Variants in KIAA0825 observed in about 807,000 individuals in gnomAD.
The protein encoded by KIAA0825 is uncharacterized protein KIAA0825.
In KIAA0825, 119 loss-of-function variants were observed where a neutral mutation model predicts 147.6. The ratio of observed to expected loss-of-function variants is 0.81; its 90% CI spans 0.69 to 0.94. The LOEUF is 0.94. Among genes scored for constraint, KIAA0825 ranks in the 40% least tolerant of loss-of-function variants. KIAA0825 has a pLI of 0.00. For missense variants in KIAA0825, 1,381 were observed against 1,472.7 expected (o/e 0.94, Z 1.02); for synonymous variants, 470 against 518.1 (o/e 0.91, Z 1.26).
intron 8 of KIAA0825, 139 bp downstream of exon 8, chr5:94,473,153 G>T: frequency 3.1e-6 from 2 of 649,938 alleles, no homozygotes; most frequent in Non-Finnish European, 2.6e-6. Flanking sequence ...TACCACTGAA[G>T]AAAACTGGTA....
At chr5:94,461,808 C>T (rs770248507) in intron 12 of KIAA0825, among the ~76,000 whole-genome samples, 29 of 151,746 alleles carry the variant, frequency 1.9e-4, no homozygotes, top group Non-Finnish European at 3.4e-4. Context: ...AGGATATAAA[C>T]AAAATGGTAT....
intron 20 of KIAA0825, among the ~76,000 whole-genome samples, chr5:94,194,703 C>CT (rs1770974482): frequency 6.6e-6 from 1 of 152,212 alleles, no homozygotes; most frequent in Non-Finnish European, 1.5e-5. Flanking sequence ...AAGATTACAT[C>CT]TTCTCATTCC....
chr5:94,446,571 A>G (rs1017998509), intron 13 of KIAA0825, among the ~76,000 whole-genome samples: 3 of 152,184 alleles, frequency 2.0e-5, no homozygotes, highest in Admixed American at 2.0e-4. Flanking sequence ...GCAGAAAGGA[A>G]CATGGCATAG....
intron 5 of KIAA0825, among the ~76,000 whole-genome samples, chr5:94,509,288 G>A (rs1490854445): frequency 6.6e-6 from 1 of 152,040 alleles, no homozygotes; most frequent in African/African-American, 2.4e-5. Context: ...CTAACAACCT[G>A]GCACATGAAT....
At chr5:94,546,129 T>C (rs1468231557) in intron 2 of KIAA0825, among the ~76,000 whole-genome samples, 1 of 152,174 alleles carries the variant, frequency 6.6e-6, no homozygotes, top group East Asian at 1.9e-4. Flanking sequence ...GAGGCTCCTC[T>C]GCCTGTGGAA....
intron 20 of KIAA0825, among the ~76,000 whole-genome samples, chr5:94,181,109 T>C (rs921873028): frequency 1.3e-5 from 2 of 152,220 alleles, no homozygotes; most frequent in Non-Finnish European, 2.9e-5. Context: ...TGAGCAGAAG[T>C]CATTTTAAAT....
chr5:94,470,946 C>G (rs904745192), intron 9 of KIAA0825, among the ~76,000 whole-genome samples: 2 of 152,136 alleles, frequency 1.3e-5, no homozygotes, highest in African/African-American at 4.8e-5. Context: ...AGAAAACATA[C>G]TGCAGTTTTA....
At chr5:94,196,488 C>T (rs1274743973) in intron 20 of KIAA0825, among the ~76,000 whole-genome samples, 1 of 150,514 alleles carries the variant, frequency 6.6e-6, no homozygotes, top group Non-Finnish European at 1.5e-5. Context: ...ATTTTAGGTC[C>T]AGAGGGTACA....
intron 9 of KIAA0825, among the ~76,000 whole-genome samples, chr5:94,471,185 A>C (rs1761168068): frequency 6.6e-6 from 1 of 152,212 alleles, no homozygotes; most frequent in African/African-American, 2.4e-5. Flanking sequence ...TGTAATAACA[A>C]CATGCGGAAA....
intron 20 of KIAA0825, among the ~76,000 whole-genome samples, chr5:94,365,313 G>T (rs1229218167): frequency 6.6e-6 from 1 of 152,126 alleles, no homozygotes; most frequent in Non-Finnish European, 1.5e-5. Context: ...GCGTGAGACG[G>T]CAAACCCCGA....
rs532914114 is a variant in KIAA0825 at position 94,184,360 on chromosome 5, A to G, written c.3711-30236T>C. 3.3e-5 allele frequency among the ~76,000 whole-genome samples: 5 copies of G among 152,312 alleles called. No homozygotes were observed. The South Asian group carries it at 1.0e-3, about 32-fold the overall frequency. On this transcript the variant is annotated intron_variant, in intron 20 of 20. Coordinates refer to ENST00000682413, the MANE Select transcript of KIAA0825 (RefSeq NM_001145678.3). ...CCCCATTTTTACATTTTACATTGGA[A>G]TGCAAGAACTCTTAAGACTCCAGCA... is the stretch of plus-strand genomic sequence containing the variant.
intron 20 of KIAA0825, among the ~76,000 whole-genome samples, chr5:94,358,044 C>G (rs975075497): frequency 8.5e-5 from 13 of 152,228 alleles, no homozygotes; most frequent in Admixed American, 2.6e-4. Flanking sequence ...CTATCTTCAT[C>G]AGAACTAGGA....
At chr5:94,596,056 T>C (rs1039293047) in intron 1 of KIAA0825, among the ~76,000 whole-genome samples, 1 of 152,222 alleles carries the variant, frequency 6.6e-6, no homozygotes, top group Non-Finnish European at 1.5e-5. Flanking sequence ...TTTTACTCTG[T>C]TGATGGTTTC....
At chr5:94,300,395 GCTAT>G (rs1365129348) in intron 20 of KIAA0825, among the ~76,000 whole-genome samples, 9 of 151,806 alleles carry the variant, frequency 5.9e-5, no homozygotes, top group African/African-American at 1.5e-4. Context: ...TCCCATTACT[GCTAT>G]CTGTTAATTT....
chr5:94,561,514 T>A (rs903835973), intron 2 of KIAA0825, among the ~76,000 whole-genome samples: 1 of 152,190 alleles, frequency 6.6e-6, no homozygotes, highest in East Asian at 1.9e-4. Flanking sequence ...GGGTCTGAGC[T>A]CTGAACTTGT....
chr5:94,426,755 A>G (rs1754937211), intron 14 of KIAA0825, among the ~76,000 whole-genome samples: 1 of 152,230 alleles, frequency 6.6e-6, no homozygotes, highest in Non-Finnish European at 1.5e-5. Flanking sequence ...ACTCAAGGTG[A>G]TGGACACCCC....
chr5:94,178,483 T>C (rs920641938), intron 20 of KIAA0825, among the ~76,000 whole-genome samples: 1 of 152,028 alleles, frequency 6.6e-6, no homozygotes, highest in Non-Finnish European at 1.5e-5. Context: ...TTTTTTCCCC[T>C]TAAGATTTTC....
At chr5:94,436,691 TA>T (rs1188315555) in intron 14 of KIAA0825, among the ~76,000 whole-genome samples, 1 of 152,186 alleles carries the variant, frequency 6.6e-6, no homozygotes, top group Admixed American at 6.5e-5. Context: ...AATAGCATTG[TA>T]TCTATAAATT....
chr5:94,359,558 A>T (rs1446611196), intron 20 of KIAA0825, among the ~76,000 whole-genome samples: 1 of 152,134 alleles, frequency 6.6e-6, no homozygotes, highest in Non-Finnish European at 1.5e-5. Context: ...GGAGTTCAAG[A>T]CTAGCCTGGT....
Sources: gnomAD v4.1 joint callset for allele counts (sites outside exome capture counted in the v4.1 genomes callset) on GRCh38, gnomAD v4.1.1 for gene constraint, MANE v1.5 for transcripts, NCBI Gene and HGNC (gene_info 2026-07-23, HGNC 2026-07-21) for gene names.